Variants in RAD21L1 observed in about 807,000 individuals in gnomAD.
The protein encoded by RAD21L1 is RAD21 cohesin complex component like 1.
In RAD21L1, 47 loss-of-function variants were observed where a neutral mutation model predicts 69.0. The ratio of observed to expected loss-of-function variants is 0.68; its 90% CI spans 0.54 to 0.87. The LOEUF is 0.87. Among genes scored for constraint, RAD21L1 ranks in the 40% least tolerant of loss-of-function variants. RAD21L1 has a pLI of 0.00. For missense variants in RAD21L1, 583 were observed against 647.6 expected (o/e 0.90, Z 1.08); for synonymous variants, 177 against 205.8 (o/e 0.86, Z 1.20).
chr20:1,233,530 T>C (rs1232198725), intron 4 of RAD21L1, among the ~76,000 whole-genome samples: 1 of 152,186 alleles, frequency 6.6e-6, no homozygotes, highest in Non-Finnish European at 1.5e-5. Context: ...GGTGGCTTAT[T>C]AACAATAGAA....
chr20:1,237,219 G>C (rs6078281), intron 5 of RAD21L1, among the ~76,000 whole-genome samples: 1 of 152,162 alleles, frequency 6.6e-6, no homozygotes, highest in African/African-American at 2.4e-5. Context: ...CCTGGACCTA[G>C]AGATTCAAAC....
rs2087581103 is a variant in RAD21L1 at position 1,240,339 on chromosome 20, A to C, written c.761A>C (p.Glu254Ala). 6.5e-7 allele frequency: 1 copy of C among 1,538,548 alleles called. No homozygotes were observed. The highest frequency in any genetic ancestry group is 8.8e-7 in the Non-Finnish European group (1 of 1,142,590). The change falls in exon 8 of 14, where the codon GAG (glutamate) becomes GCG (alanine). Residue 254 changes from glutamate (E) to alanine (A), a missense_variant. Glu to Ala is a moderately radical substitution (Grantham distance 107). Transcript: ENST00000683101. ...TGATTAGTTGAACCAGATAACTCAG[A>C]GTGTATATGTGTACCTGAAAATGAA... is the stretch of plus-strand genomic sequence containing the variant. Reference protein sequence around the residue: ...NSLAVEPDNSECICVPENEKM... With the variant: ...NSLAVEPDNSACICVPENEKM...
rs540493508 is a variant in RAD21L1, at chr20:1,255,291, C to T, written c.*834C>T. ...TTGTTCCTCATGTTGTTTGCAGCTA[C>T]GGTCTGAGTAAAGATCACCAAAATA... On this transcript the variant is annotated 3_prime_UTR_variant, in exon 14 of 14. Coordinates refer to ENST00000683101, the MANE Select transcript of RAD21L1 (RefSeq NM_001384355.1). 1.2e-3 allele frequency among the ~76,000 whole-genome samples: 180 copies of T among 152,250 alleles called. No individual in the cohort carries two copies. Among genetic ancestry groups the T allele is most frequent in the Non-Finnish European group, 2.1e-3 (145 of 68,020 alleles).
In RAD21L1 at chr20:1,243,085, G is replaced by GT. The variant is rs1382655864; in HGVS notation, c.1084-11dup. On this transcript the variant is annotated splice_polypyrimidine_tract_variant and intron_variant, in intron 9 of 13. Transcript: ENST00000683101. ...ACAAAAACAAAAAAAACAAAAATGT[G>GT]TATTTTTACAGTTGTTTACAAAATG... The GT allele has an allele frequency of 1.4e-6, 2 of 1,474,650 alleles. No homozygotes were observed. Among genetic ancestry groups the GT allele is most frequent in the African/African-American group, 2.9e-5 (2 of 69,874 alleles). The allele number at this position is 1,474,650 out of a possible 1,614,324, so 91.3% of individuals were successfully genotyped here.
rs1331754782 is a variant in RAD21L1, at chr20:1,229,916, T to C, written c.181T>C (p.Leu61=). 12 of 1,549,622 alleles carry C rather than the reference T, an allele frequency of 7.7e-6. No homozygotes were observed. The highest frequency in any genetic ancestry group is 8.7e-6 in the Non-Finnish European group (10 of 1,145,360). ...IALRTSGHLL[L]GVVRIYNRKA... is the part of the protein sequence containing the mutation. ...ACTTCGAACTTCAGGACACCTTCTT[T>C]TGGGAGTTGTTCGAATCTATAACAG... Residue 61 remains leucine (L), a synonymous_variant, in exon 3 of 14, where the codon TTG becomes CTG. Transcript: ENST00000683101.
chr20:1,231,530 G>A lies in RAD21L1; in HGVS notation c.279G>A (p.Leu93=). 4.6e-6 allele frequency: 7 copies of A among 1,515,668 alleles called. No homozygotes were observed. The highest frequency in any genetic ancestry group is 2.7e-6 in the Non-Finnish European group (3 of 1,117,774). The allele number at this position is 1,515,668 out of a possible 1,614,324, so 93.9% of individuals were successfully genotyped here. A position where few individuals can be genotyped will look rare whatever the true frequency, so the allele number is the denominator to read the frequency against. ...LKMKMTFCPG[L]VDLPKENFEA... ...ATGGTTTTTGATCCTTTTCAGGACT[G>A]GTTGACCTTCCAAAAGAGAATTTTG... is the stretch of plus-strand genomic sequence containing the variant. Residue 93 remains leucine, a synonymous_variant, in exon 4 of 14, where the codon CTG becomes CTA. Transcript: ENST00000683101.
chr20:1,243,616 A>G (rs993841086), intron 10 of RAD21L1, among the ~76,000 whole-genome samples: 3 of 152,222 alleles, frequency 2.0e-5, no homozygotes, highest in East Asian at 3.8e-4. Context: ...ATTTCTGTCT[A>G]CCCAAAAGGC....
chr20:1,252,811 C>G (rs535475482), intron 13 of RAD21L1, among the ~76,000 whole-genome samples: 31 of 152,320 alleles, frequency 2.0e-4, no homozygotes, highest in African/African-American at 7.0e-4. Flanking sequence ...TGGCTTCCCC[C>G]CTGCCAGCAC....
In RAD21L1 at chr20:1,243,133, C is replaced by T. The variant is rs1438280847; in HGVS notation, c.1120C>T (p.Leu374Phe). 3 of 1,539,396 alleles carry T rather than the reference C, an allele frequency of 1.9e-6. No individual in the cohort carries two copies. The highest frequency in any genetic ancestry group is 2.5e-5 in the South Asian group (2 of 81,196). ...ATGCTTTCTGTCCTCTGGCTTTAAA[C>T]TTGGAAGAAAAATGATACAGAAGGA... ...TKCFLSSGFK[L>F]GRKMIQKESV... Residue 374 changes from leucine to phenylalanine, a missense_variant, in exon 10 of 14, where the codon CTT becomes TTT. Physicochemically the swap from Leu to Phe is conservative, Grantham distance 22 (BLOSUM62 0). Transcript: ENST00000683101.
chr20:1,243,600 G>A (rs898277871), intron 10 of RAD21L1, among the ~76,000 whole-genome samples: 6 of 152,126 alleles, frequency 3.9e-5, no homozygotes, highest in Admixed American at 2.0e-4. Flanking sequence ...TTAACCTGAC[G>A]CAGATATTTC....
intron 13 of RAD21L1, among the ~76,000 whole-genome samples, chr20:1,252,476 A>G (rs2087853942): frequency 6.6e-6 from 1 of 152,192 alleles, no homozygotes; most frequent in African/African-American, 2.4e-5. Context: ...TGGCTCAGGA[A>G]CCAAAAGGAG....
rs576928874 is a variant in RAD21L1, at chr20:1,233,567, G to C, written c.369-518G>C. 5.9e-5 allele frequency among the ~76,000 whole-genome samples: 9 copies of C among 152,296 alleles called. No homozygotes were observed. The South Asian group carries it at 1.5e-3, about 25-fold the overall frequency. On this transcript the variant is annotated intron_variant, in intron 4 of 13. Transcript: ENST00000683101. The stretch of plus-strand genomic sequence containing the variant: ...TTTAGTTATCATCATTCTGGAGGCT[G>C]AGAAATTCCAGATAAACTTGCCAGC...
At chr20:1,228,988 A>G (rs991884564) in intron 2 of RAD21L1, among the ~76,000 whole-genome samples, 2 of 152,268 alleles carry the variant, frequency 1.3e-5, no homozygotes, top group South Asian at 2.1e-4. Context: ...TGTCATAAAC[A>G]GTAAAGTACT....
chr20:1,231,377 T>C (rs1002381838), intron 3 of RAD21L1, 149 bp from the exon 4 acceptor site: 1 of 599,616 alleles, frequency 1.7e-6, no homozygotes, highest in Non-Finnish European at 3.0e-6. Context: ...GTCTGCTTTA[T>C]AGAGAATGGA....
Position 1,242,707 on chromosome 20 carries a change from T to C in RAD21L1, c.945T>C (p.Leu315=). 6.4e-7 allele frequency: 1 copy of C among 1,551,614 alleles called. No individual in the cohort carries two copies. The highest frequency in any genetic ancestry group is 8.7e-7 in the Non-Finnish European group (1 of 1,146,896). The part of the protein sequence containing the change: ...ELSSKVIHKQ[L]TSFADTLMVL... Reference sequence around the variant, plus strand: ...GTAGCAAAGTTATACATAAACAGCTTACTTCCTTTGCGGACACACTCATGG... The same window carrying C: ...GTAGCAAAGTTATACATAAACAGCTCACTTCCTTTGCGGACACACTCATGG... The change falls in exon 9 of 14, where the codon CTT becomes CTC. Residue 315 remains leucine (L), a synonymous_variant. Coordinates refer to ENST00000683101, the MANE Select transcript of RAD21L1 (RefSeq NM_001384355.1).
chr20:1,228,701 A>C, intron 2 of RAD21L1, 104 bp downstream of exon 2: 1 of 841,020 alleles, frequency 1.2e-6, no homozygotes, highest in Non-Finnish European at 1.8e-6. Flanking sequence ...AGGAAGTTTT[A>C]CTTGTCAAAT....
chr20:1,249,847 CA>C (rs2087790353), intron 13 of RAD21L1, among the ~76,000 whole-genome samples: 1 of 152,062 alleles, frequency 6.6e-6, no homozygotes, highest in Admixed American at 6.6e-5. Context: ...GTCATTACCT[CA>C]TTTTTTTTCT....
At chr20:1,250,818 A>C (rs190349558) in intron 13 of RAD21L1, among the ~76,000 whole-genome samples, 1 of 152,272 alleles carries the variant, frequency 6.6e-6, no homozygotes, top group East Asian at 1.9e-4. Context: ...TGGTTTTGTA[A>C]TATTTTATAA....
intron 4 of RAD21L1, 43 bp downstream of exon 4, chr20:1,231,662 T>C (rs2087393841): frequency 3.1e-6 from 3 of 980,880 alleles, no homozygotes. Context: ...ATTTTCTTGA[T>C]ATTTGTTTTT....
Sources: allele counts gnomAD v4.1 joint callset (sites outside exome capture counted in the v4.1 genomes callset), GRCh38; gene constraint gnomAD v4.1.1; transcripts MANE v1.5; gene names NCBI Gene and HGNC (gene_info 2026-07-23, HGNC 2026-07-21).